PLXNA4: variants seen among roughly 807,000 people sequenced by gnomAD.
The protein encoded by PLXNA4 is plexin A4, also known as plexin-A4.
Under a neutral mutation model 191.8 loss-of-function variants are expected in PLXNA4, and 44 were observed. That is an observed-to-expected ratio of 0.23 (90% confidence interval 0.18 to 0.29). The LOEUF (loss-of-function observed/expected upper bound fraction) is 0.29. Ranked by LOEUF, PLXNA4 falls within the 10% of genes least tolerant of loss-of-function variation. The probability of loss-of-function intolerance (pLI) is 1.00; values close to 1 mark genes in which losing one functional copy is unlikely to be tolerated. For synonymous variants in PLXNA4, 1,082 were observed against 1,009.5 expected (o/e 1.07, Z -1.36); for missense variants, 1,800 against 2,488.8 (o/e 0.72, Z 5.89).
chr7:132,439,426 C>T (rs3752710), intron 3 of PLXNA4, among the ~76,000 whole-genome samples: 112,560 of 151,974 alleles, frequency 0.74, 45,403 homozygotes, highest in Non-Finnish European at 0.91. Flanking sequence ...CACACAGGTA[C>T]ACATGGATAT....
Position 132,556,372 on chromosome 7 carries a change from C to T in PLXNA4, c.-87+20050G>A, listed in dbSNP as rs183715670. 1.1e-3 allele frequency among the ~76,000 whole-genome samples: 173 copies of T among 152,342 alleles called. 1 individual carries two copies. The Middle Eastern group carries it at 0.017, about 15-fold the overall frequency. The stretch of plus-strand genomic sequence containing the variant: ...GTTGAGGCAGACAGCAGGATCCACA[C>T]TGAGCTTCAAAAACAGGCTGTATGG... On this transcript the variant is annotated intron_variant, in intron 1 of 31. Coordinates refer to ENST00000321063, the MANE Select transcript of PLXNA4 (RefSeq NM_020911.2).
At chr7:132,559,328 C>T (rs1800931462) in intron 1 of PLXNA4, among the ~76,000 whole-genome samples, 2 of 152,166 alleles carry the variant, frequency 1.3e-5, no homozygotes. Flanking sequence ...TTTCTCCCCA[C>T]AAGACAGCCC....
chr7:132,247,870 C>G (rs1799113964), intron 4 of PLXNA4, among the ~76,000 whole-genome samples: 1 of 152,202 alleles, frequency 6.6e-6, no homozygotes, highest in Non-Finnish European at 1.5e-5. Flanking sequence ...TCAAAGGGGG[C>G]AGGTATTTCT....
intron 2 of PLXNA4, among the ~76,000 whole-genome samples, chr7:132,605,279 C>T (rs765426257): frequency 6.6e-6 from 1 of 152,160 alleles, no homozygotes; most frequent in East Asian, 1.9e-4. Flanking sequence ...CTCGTAGCCC[C>T]GGTAGATGAG....
intron 22 of PLXNA4, 69 bp downstream of exon 22, chr7:132,168,235 T>A (rs1489482013): frequency 6.9e-7 from 1 of 1,447,696 alleles, no homozygotes; most frequent in East Asian, 2.5e-5. Context: ...CACCCGAGTC[T>A]CCCTGCAAGG....
In PLXNA4 at chr7:132,241,053, C is replaced by T. The variant is rs777860549; in HGVS notation, c.1604+13G>A. Reference sequence around the variant, plus strand: ...AAGTGGGAGGCACGAGGCAGCCTCCCCATGGTACTCACGTGTTGTGCAGCA... The same window carrying T: ...AAGTGGGAGGCACGAGGCAGCCTCCTCATGGTACTCACGTGTTGTGCAGCA... On this transcript the variant is annotated intron_variant, in intron 5 of 31. Coordinates refer to ENST00000321063, the MANE Select transcript of PLXNA4 (RefSeq NM_020911.2). The T allele has an allele frequency of 6.3e-7, 1 of 1,582,724 alleles. No homozygotes were observed. Among genetic ancestry groups the T allele is most frequent in the Non-Finnish European group, 8.6e-7 (1 of 1,159,388 alleles).
intron 4 of PLXNA4, among the ~76,000 whole-genome samples, chr7:132,268,838 G>T (rs761585409): frequency 2.0e-5 from 3 of 152,174 alleles, no homozygotes; most frequent in Non-Finnish European, 4.4e-5. Flanking sequence ...AATGTGTGGT[G>T]TGGGGAAGGA....
intron 3 of PLXNA4, among the ~76,000 whole-genome samples, chr7:132,405,956 C>T (rs1287399122): frequency 6.6e-6 from 1 of 152,198 alleles, no homozygotes; most frequent in Non-Finnish European, 1.5e-5. Context: ...CAGCCCACTA[C>T]ATTGACTTAA....
intron 2 of PLXNA4, among the ~76,000 whole-genome samples, chr7:132,633,461 T>G (rs1199556146): frequency 2.0e-5 from 3 of 152,106 alleles, no homozygotes; most frequent in African/African-American, 7.2e-5. Context: ...TTTTGTATTT[T>G]TAGTAGAGAC....
intron 14 of PLXNA4, among the ~76,000 whole-genome samples, chr7:132,192,926 G>T (rs1797137477): frequency 6.6e-6 from 1 of 152,066 alleles, no homozygotes; most frequent in South Asian, 2.1e-4. Flanking sequence ...AAAGGCCATG[G>T]GATGGGGAAA....
At chr7:132,341,453 A>G (rs1285347236) in intron 3 of PLXNA4, among the ~76,000 whole-genome samples, 1 of 152,198 alleles carries the variant, frequency 6.6e-6, no homozygotes, top group Admixed American at 6.5e-5. Flanking sequence ...AATTGCTAAT[A>G]TATAGTAAAA....
chr7:132,149,013 T>C (rs1195798735), intron 25 of PLXNA4, among the ~76,000 whole-genome samples: 1 of 152,178 alleles, frequency 6.6e-6, no homozygotes, highest in African/African-American at 2.4e-5. Flanking sequence ...AAATGCAAAG[T>C]GGCATAGTTG....
chr7:132,521,110 G>C (rs919654534), intron 1 of PLXNA4, among the ~76,000 whole-genome samples: 6 of 150,140 alleles, frequency 4.0e-5, no homozygotes, highest in Non-Finnish European at 8.8e-5. Flanking sequence ...TATTTCAGCT[G>C]TGTGCTGAAA....
intron 1 of PLXNA4, among the ~76,000 whole-genome samples, chr7:132,563,393 T>TTCTCCTCCTCCTCC (rs1801455681): frequency 7.5e-5 from 1 of 13,300 alleles, no homozygotes; most frequent in Non-Finnish European, 1.4e-4. Context: ...CCTCCTCCTC[T>TTCTCCTCCTCCTCC]TTCTCCTCCT....
chr7:132,199,305 A>G (rs530675701), intron 12 of PLXNA4, among the ~76,000 whole-genome samples: 2 of 152,146 alleles, frequency 1.3e-5, no homozygotes, highest in Non-Finnish European at 2.9e-5. Context: ...CTGTCCAAAC[A>G]TCTTTCCGGA....
In PLXNA4 at chr7:132,174,814, T is replaced by C. The variant is rs374363234; in HGVS notation, c.3981A>G (p.Pro1327=). ...GGAGGACAGGGTGGTCTTCAATTCC[T>C]GGGAACAGCACCCGCATGGTGTAAG... ...YRTYTMRVLF[P]GIEDHPVLRD... is the part of the protein sequence containing the mutation. Residue 1327 remains proline (P), a synonymous_variant, in exon 21 of 32, where the codon CCA becomes CCG. Coordinates refer to ENST00000321063, the MANE Select transcript of PLXNA4 (RefSeq NM_020911.2). The C allele has an allele frequency of 1.5e-5, 24 of 1,614,008 alleles. No individual in the cohort carries two copies. The highest frequency in any genetic ancestry group is 2.0e-5 in the Non-Finnish European group (24 of 1,179,966).
In PLXNA4 at chr7:132,413,024, G is replaced by GC. The variant is rs397754217; in HGVS notation, c.1371+76267_1371+76268insG. 1.3e-5 allele frequency among the ~76,000 whole-genome samples: 2 copies of GC among 151,930 alleles called. 1 individual carries two copies. The highest frequency in any genetic ancestry group is 4.8e-5 in the African/African-American group (2 of 41,238). ...AAACAAAGTCACTTGATAGATGGGG[G>GC]GTGGAGAGAGAAGGAAGGAGGAAAA... On this transcript the variant is annotated intron_variant, in intron 3 of 31. Transcript: ENST00000321063.
chr7:132,311,503 A>G (rs1323011814), intron 3 of PLXNA4, among the ~76,000 whole-genome samples: 1 of 152,170 alleles, frequency 6.6e-6, no homozygotes, highest in Non-Finnish European at 1.5e-5. Context: ...ACTGAAGTTT[A>G]CATTTTCTGG....
chr7:132,501,376 C>G (rs915381507), intron 2 of PLXNA4, among the ~76,000 whole-genome samples: 1 of 152,170 alleles, frequency 6.6e-6, no homozygotes. Flanking sequence ...GTCCATGTCT[C>G]AGTATTGTGA....
Sources: gnomAD v4.1 joint callset for allele counts (sites outside exome capture counted in the v4.1 genomes callset) on GRCh38, gnomAD v4.1.1 for gene constraint, MANE v1.5 for transcripts, NCBI Gene and HGNC (gene_info 2026-07-23, HGNC 2026-07-21) for gene names.